The following VCF1 variants were observed in gnomAD, a reference collection of about 807,000 sequenced individuals.
VCF1 encodes VCP nuclear cofactor family member 1, also known as protein VCF1.
chr17:73,229,729 G>T, the VCF1 span: 1 of 243,922 alleles, frequency 4.1e-6, no homozygotes, highest in Non-Finnish European at 6.6e-6. Context: ...TTAGCAGGGC[G>T]TGGTGGCGTG....
At chr17:73,231,994 A>C in the VCF1 span, 1 of 1,365,740 alleles carries the variant, frequency 7.3e-7, no homozygotes, top group South Asian at 1.4e-5. Context: ...CGCCGGGTCC[A>C]CTCTTGCTCC....
chr17:73,212,518 A>C, the VCF1 span, among the ~76,000 whole-genome samples: 1 of 152,230 alleles, frequency 6.6e-6, no homozygotes, highest in South Asian at 2.1e-4. Flanking sequence ...GCCAGCTGCA[A>C]CTGTATTTAC....
chr17:73,225,484 A>G, the VCF1 span, among the ~76,000 whole-genome samples: 1 of 152,136 alleles, frequency 6.6e-6, no homozygotes, highest in Non-Finnish European at 1.5e-5. Context: ...AAGCAAGAAA[A>G]AGATGGCAAT....
chr17:73,227,987 T>C, the VCF1 span, among the ~76,000 whole-genome samples: 1 of 152,216 alleles, frequency 6.6e-6, no homozygotes, highest in Non-Finnish European at 1.5e-5. Flanking sequence ...GGAGGTATAA[T>C]TTTCAGTCAA....
chr17:73,224,580 T>C, the VCF1 span, among the ~76,000 whole-genome samples: 1 of 152,236 alleles, frequency 6.6e-6, no homozygotes, highest in Non-Finnish European at 1.5e-5. Context: ...ATTGTTAATA[T>C]AATTAAAAAT....
chr17:73,227,349 T>A, the VCF1 span: 1 of 1,155,918 alleles, frequency 8.7e-7, no homozygotes, highest in Non-Finnish European at 1.2e-6. Context: ...TAACAACATA[T>A]AAATTTGCCC....
the VCF1 span, among the ~76,000 whole-genome samples, chr17:73,230,708 G>A: frequency 6.6e-6 from 1 of 152,250 alleles, no homozygotes; most frequent in East Asian, 1.9e-4. Flanking sequence ...AAAAACCACC[G>A]TCTTAGACCA....
At chr17:73,220,714 G>C in the VCF1 span, among the ~76,000 whole-genome samples, 2 of 150,704 alleles carry the variant, frequency 1.3e-5, no homozygotes, top group South Asian at 2.1e-4. Context: ...CAAAGTGCTG[G>C]GATTATAGAC....
chr17:73,219,650 C>CA, the VCF1 span, among the ~76,000 whole-genome samples: 14 of 122,822 alleles, frequency 1.1e-4, no homozygotes, highest in Admixed American at 6.0e-4. Context: ...ACTCTGTCTC[C>CA]AAAAAAAAAG....
chr17:73,230,006 G>T, the VCF1 span, among the ~76,000 whole-genome samples: 3 of 151,516 alleles, frequency 2.0e-5, no homozygotes, highest in African/African-American at 7.3e-5. Context: ...TGTTAAAGTA[G>T]GGACTCCCAG....
At chr17:73,209,627 G>C in the VCF1 span, 1 of 1,564,506 alleles carries the variant, frequency 6.4e-7, no homozygotes, top group Non-Finnish European at 8.7e-7. Flanking sequence ...AGCGCGGACT[G>C]CTCGGGCACG....
chr17:73,232,362 C>G, the VCF1 span: 3 of 1,473,336 alleles, frequency 2.0e-6, no homozygotes, highest in East Asian at 2.5e-5. Context: ...CCATCCCAAC[C>G]GCACCGACTG....
At chr17:73,221,809 G>A in the VCF1 span, among the ~76,000 whole-genome samples, 2 of 151,926 alleles carry the variant, frequency 1.3e-5, no homozygotes, top group African/African-American at 4.8e-5. Flanking sequence ...GCCGAGGCGG[G>A]CGGATCATGA....
At chr17:73,227,429 T>C in the VCF1 span, among the ~76,000 whole-genome samples, 1 of 152,228 alleles carries the variant, frequency 6.6e-6, no homozygotes, top group Non-Finnish European at 1.5e-5. Flanking sequence ...ACAGCATCAC[T>C]GGACACTAAG....
the VCF1 span, among the ~76,000 whole-genome samples, chr17:73,212,911 A>AT: frequency 6.6e-6 from 1 of 151,616 alleles, no homozygotes; most frequent in African/African-American, 2.4e-5. Context: ...TTTATTTTTT[A>AT]TTTTTTTTAG....
At chr17:73,222,332 GA>G in the VCF1 span, among the ~76,000 whole-genome samples, 13 of 144,760 alleles carry the variant, frequency 9.0e-5, no homozygotes, top group Admixed American at 6.2e-4. Flanking sequence ...CAGAGATTTG[GA>G]AAAAAAAAAC....
At chr17:73,224,282 A>AC in the VCF1 span, among the ~76,000 whole-genome samples, 1 of 151,232 alleles carries the variant, frequency 6.6e-6, no homozygotes, top group Non-Finnish European at 1.5e-5. Flanking sequence ...AAAAAAAAAA[A>AC]AAACCTTAAA....
chr17:73,222,075 C>T, the VCF1 span, among the ~76,000 whole-genome samples: 2 of 144,224 alleles, frequency 1.4e-5, no homozygotes, highest in African/African-American at 5.1e-5. Flanking sequence ...GGTGTAGTGG[C>T]GCACACCTGT....
the VCF1 span, among the ~76,000 whole-genome samples, chr17:73,209,980 T>C: frequency 1.3e-5 from 2 of 152,360 alleles, no homozygotes; most frequent in East Asian, 1.9e-4. Flanking sequence ...GCAGGGTTTA[T>C]TGTCCTTAAT....
Sources: gnomAD v4.1 joint callset for allele counts (sites outside exome capture counted in the v4.1 genomes callset) on GRCh38, gnomAD v4.1.1 for gene constraint, MANE v1.5 for transcripts, NCBI Gene and HGNC (gene_info 2026-07-23, HGNC 2026-07-21) for gene names.